The following ANKS1B variants were observed in gnomAD, a reference collection of about 807,000 sequenced individuals.
ANKS1B encodes the protein ankyrin repeat and sterile alpha motif domain-containing protein 1B.
ANKS1B carries 36 observed loss-of-function variants against 148.3 expected under a neutral mutation model. That is an observed-to-expected ratio of 0.24 (90% CI 0.19 to 0.32). ANKS1B has a LOEUF of 0.32. Among genes scored for constraint, ANKS1B ranks in the 10% least tolerant of loss-of-function variants. The probability of loss-of-function intolerance (pLI) is 1.00; values close to 1 mark genes in which losing one functional copy is unlikely to be tolerated. For missense variants in ANKS1B, 1,157 were observed against 1,542.6 expected, an observed-to-expected ratio of 0.75 and a Z score of 4.19; for synonymous variants, 542 against 560.8, an observed-to-expected ratio of 0.97 and a Z score of 0.47.
chr12:99,775,064 G>A lies in ANKS1B; in HGVS notation c.961+484C>T, dbSNP rs544106587. Among the ~76,000 whole-genome samples, 6 of 152,106 alleles carry A rather than the reference G, an allele frequency of 3.9e-5. No individual in the cohort carries two copies. The South Asian group carries it at 6.2e-4, about 16-fold the overall frequency. ...AGTTATGGGGGATTAATAAATTCTG[G>A]AGATTTAAAATACAGCATGGTGACT... On this transcript the variant is annotated intron_variant, in intron 7 of 26. Transcript: ENST00000683438.
At chr12:99,304,087 G>A (rs986606711) in intron 12 of ANKS1B, among the ~76,000 whole-genome samples, 9 of 152,024 alleles carry the variant, frequency 5.9e-5, no homozygotes, top group African/African-American at 2.2e-4. Flanking sequence ...ATGTGCAAGT[G>A]TCCTTTTCAT....
chr12:98,978,658 T>G (rs746546741), intron 17 of ANKS1B, among the ~76,000 whole-genome samples: 2 of 152,188 alleles, frequency 1.3e-5, no homozygotes, highest in Non-Finnish European at 2.9e-5. Flanking sequence ...TTCCATTTTT[T>G]GTCTTTAAAT....
intron 17 of ANKS1B, among the ~76,000 whole-genome samples, chr12:98,934,011 A>AT (rs1430896312): frequency 1.3e-5 from 2 of 151,882 alleles, no homozygotes; most frequent in Admixed American, 1.3e-4. Flanking sequence ...TTTTATTTTG[A>AT]TGTAGTCCTA....
chr12:99,326,691 T>C (rs1422301184), intron 12 of ANKS1B, among the ~76,000 whole-genome samples: 1 of 151,914 alleles, frequency 6.6e-6, no homozygotes, highest in African/African-American at 2.4e-5. Context: ...AGTTTATATA[T>C]TTCTTACTTT....
intron 17 of ANKS1B, among the ~76,000 whole-genome samples, chr12:98,874,726 A>G (rs2152432911): frequency 6.6e-6 from 1 of 152,360 alleles, no homozygotes; most frequent in East Asian, 1.9e-4. Context: ...GTATGTTTAG[A>G]AAAGTAAATA....
chr12:99,552,145 G>A (rs1242444684), intron 9 of ANKS1B, among the ~76,000 whole-genome samples: 1 of 151,890 alleles, frequency 6.6e-6, no homozygotes, highest in East Asian at 1.9e-4. Context: ...ATCTTTCCTT[G>A]TGAATGACTA....
intron 14 of ANKS1B, among the ~76,000 whole-genome samples, chr12:99,229,766 C>T (rs1040387646): frequency 1.3e-5 from 2 of 151,902 alleles, no homozygotes; most frequent in African/African-American, 4.8e-5. Flanking sequence ...TATGAGGTCA[C>T]TAATGGTAGA....
intron 1 of ANKS1B, among the ~76,000 whole-genome samples, chr12:99,914,727 G>A (rs2094116794): frequency 6.6e-6 from 1 of 151,966 alleles, no homozygotes; most frequent in Non-Finnish European, 1.5e-5. Context: ...ATATTTAGGG[G>A]GGTGTACATG....
At chr12:99,054,268 G>A (rs977103621) in intron 16 of ANKS1B, among the ~76,000 whole-genome samples, 1 of 152,156 alleles carries the variant, frequency 6.6e-6, no homozygotes, top group African/African-American at 2.4e-5. Context: ...GCAAGGCTGG[G>A]CAAAACACAA....
intron 10 of ANKS1B, among the ~76,000 whole-genome samples, chr12:99,477,499 A>G (rs2096344099): frequency 1.3e-5 from 2 of 152,176 alleles, no homozygotes; most frequent in South Asian, 4.1e-4. Context: ...CTGGGTTTAA[A>G]TCATGGCTCC....
At chr12:99,128,279 T>C (rs1313790988) in intron 15 of ANKS1B, among the ~76,000 whole-genome samples, 4 of 152,156 alleles carry the variant, frequency 2.6e-5, no homozygotes, top group Non-Finnish European at 5.9e-5. Flanking sequence ...CATACTGTAA[T>C]GGATTCTGAA....
In ANKS1B at chr12:98,784,714, G is replaced by A. The variant is rs183513826; in HGVS notation, c.3343-2577C>T. ...GAGCTGACATGAAGGCATCAGCGGT[G>A]GTTCCTGTGATGGTACAAAGATCCC... On this transcript the variant is annotated intron_variant, in intron 22 of 26. Transcript: ENST00000683438. Among the ~76,000 whole-genome samples the A allele has an allele frequency of 3.9e-5, 6 of 152,274 alleles. No individual in the cohort carries two copies. The East Asian group carries it at 7.7e-4, about 20-fold the overall frequency.
At chr12:99,202,762 T>G (rs1265288241) in intron 14 of ANKS1B, among the ~76,000 whole-genome samples, 1 of 152,222 alleles carries the variant, frequency 6.6e-6, no homozygotes, top group Non-Finnish European at 1.5e-5. Flanking sequence ...TATTACAATT[T>G]GGGCTAGGCT....
At chr12:99,388,354 A>C (rs2093951186) in intron 12 of ANKS1B, among the ~76,000 whole-genome samples, 2 of 152,198 alleles carry the variant, frequency 1.3e-5, no homozygotes, top group African/African-American at 2.4e-5. Context: ...GAATGATAGG[A>C]TAGAAAATTG....
At chr12:98,836,041 T>A (rs2099360911) in intron 17 of ANKS1B, among the ~76,000 whole-genome samples, 1 of 152,210 alleles carries the variant, frequency 6.6e-6, no homozygotes. Context: ...GCTAAGTAAC[T>A]TGCCCAAGGT....
rs386377539 is a variant in ANKS1B, at chr12:99,088,838, G to GTTTTTTTTTTTTTTTT, written c.2527-3831_2527-3816dup. Among the ~76,000 whole-genome samples, 5 of 69,848 alleles carry GTTTTTTTTTTTTTTTT rather than the reference G, an allele frequency of 7.2e-5. 1 individual carries two copies. Among genetic ancestry groups the GTTTTTTTTTTTTTTTT allele is most frequent in the African/African-American group, 1.9e-4 (3 of 15,940 alleles). The allele number at this position is 69,848 out of a possible 152,430, so 45.8% of individuals were successfully genotyped here. On this transcript the variant is annotated intron_variant, in intron 15 of 26. Transcript: ENST00000683438. ...GCTAGCAAATCTCAGTTTAACTTCTGTTTTTTTTTTTTTTTTTTTTTTTTG... is the reference window on the plus strand; with the variant it reads ...GCTAGCAAATCTCAGTTTAACTTCTGTTTTTTTTTTTTTTTTTTTTTTTTTTTTTTTTTTTTTTTTG...
chr12:99,069,551 A>G (rs1198888259), intron 16 of ANKS1B, among the ~76,000 whole-genome samples: 1 of 152,178 alleles, frequency 6.6e-6, no homozygotes, highest in Non-Finnish European at 1.5e-5. Context: ...ACCTGTCAGG[A>G]CTCTGTGATT....
At chr12:99,536,286 G>A (rs1036939757) in intron 9 of ANKS1B, among the ~76,000 whole-genome samples, 19 of 152,254 alleles carry the variant, frequency 1.2e-4, no homozygotes, top group African/African-American at 4.3e-4. Flanking sequence ...CACTCTGGTG[G>A]GGATGTTGAT....
At chr12:99,657,419 A>G (rs1485674541) in intron 8 of ANKS1B, among the ~76,000 whole-genome samples, 2 of 152,152 alleles carry the variant, frequency 1.3e-5, no homozygotes, top group Non-Finnish European at 2.9e-5. Flanking sequence ...AAAGAGGTAT[A>G]TTTGGTGAAT....
Sources: gnomAD v4.1 joint callset for allele counts (sites outside exome capture counted in the v4.1 genomes callset) on GRCh38, gnomAD v4.1.1 for gene constraint, MANE v1.5 for transcripts, NCBI Gene and HGNC (gene_info 2026-07-23, HGNC 2026-07-21) for gene names.